CCNL2: variants seen among roughly 807,000 people sequenced by gnomAD.
CCNL2 encodes the protein cyclin-L2.
Under a neutral mutation model 59.1 loss-of-function variants are expected in CCNL2, and 28 were observed. The ratio of observed to expected loss-of-function variants is 0.47; its 90% confidence interval spans 0.35 to 0.65. The LOEUF (loss-of-function observed/expected upper bound fraction) is 0.65, where lower values mean the gene tolerates loss of function less well. CCNL2 is among the 30% of genes least tolerant of loss of function. The pLI, the probability that CCNL2 is intolerant of heterozygous loss-of-function variation, is 0.00. For synonymous variants in CCNL2, 342 were observed against 288.6 expected, an observed-to-expected ratio of 1.19 and a Z score of -1.88; for missense variants, 714 against 717.4, an observed-to-expected ratio of 1.00 and a Z score of 0.05.
chr1:1,388,565 G>GTGTCTC, intron 8 of CCNL2: 1 of 382,160 alleles, frequency 2.6e-6, no homozygotes, highest in Non-Finnish European at 5.2e-6. Flanking sequence ...GTGAGTGTGT[G>GTGTCTC]TCTCTCTCTC....
rs761934761 is a variant in CCNL2, at chr1:1,390,837, C to T, written c.688G>A (p.Asp230Asn). ...WNYMNDSLRT[D>N]VFVRFQPESI... ...TCTGGCTGGAACCGCACGAAGACGT[C>T]GGTGCGAAGGCTGTCGTTCATGTAA... Residue 230 changes from aspartate (D) to asparagine (N), a missense_variant, in exon 6 of 11, where the codon GAC becomes AAC. Transcript: ENST00000400809. The T allele has an allele frequency of 5.6e-6, 9 of 1,614,034 alleles. No individual in the cohort carries two copies. The East Asian group carries it at 6.7e-5, about 12-fold the overall frequency.
chr1:1,391,862 T>C (rs896872243), intron 5 of CCNL2: 18 of 283,906 alleles, frequency 6.3e-5, no homozygotes, highest in African/African-American at 2.7e-4. Context: ...ATGAGGACAG[T>C]TGAACTGGTT....
At chr1:1,388,583 C>CTCTCTCTATA (rs1553183317) in intron 8 of CCNL2, 1 of 204,490 alleles carries the variant, frequency 4.9e-6, no homozygotes, top group East Asian at 1.4e-4. Context: ...CTCTCTCTCT[C>CTCTCTCTATA]TATATATATA....
chr1:1,390,463 T>C lies in CCNL2; in HGVS notation c.860A>G (p.Lys287Arg). Residue 287 changes from lysine to arginine, a missense_variant, in exon 7 of 11, where the codon AAA becomes AGA. Lys to Arg is a conservative substitution (Grantham distance 26, BLOSUM62 2). Coordinates refer to ENST00000400809, the MANE Select transcript of CCNL2 (RefSeq NM_030937.6). ...CATGAAAAAATGCCGAAGAACCTTT[T>C]TCCGAGCATAAAGCTGCAAGATCTT... ...CLKILQLYAR[K>R]KVDLTHLEGE... 1 of 1,613,326 alleles carries C rather than the reference T, an allele frequency of 6.2e-7. No individual in the cohort carries two copies. The highest frequency in any genetic ancestry group is 8.5e-7 in the Non-Finnish European group (1 of 1,179,762).
chr1:1,392,523 C>A, intron 5 of CCNL2: 1 of 1,325,578 alleles, frequency 7.5e-7, no homozygotes. Flanking sequence ...GCATCTTTAT[C>A]ATACAGGTAC....
Position 1,387,963 on chromosome 1 carries a change from G to T in CCNL2, c.1109C>A (p.Pro370His). Residue 370 changes from proline (P) to histidine (H), a missense_variant, in exon 9 of 11, where the codon CCC becomes CAC. Physicochemically the swap from Pro to His is moderately conservative, Grantham distance 77 (BLOSUM62 -2). Around this residue, in one of 5 missense-constraint regions of CCNL2, gnomAD observed 403 missense variants for 377.7 expected, o/e 1.07. Coordinates refer to ENST00000400809, the MANE Select transcript of CCNL2 (RefSeq NM_030937.6). ...AGCCCTGGGGTCCTACCCGTTCACG[G>T]GGCTGTCCGCCTTGGCTTTCTTGGC... ...EGAKKAKADS[P>H]VNGLPKGRES... The T allele has an allele frequency of 6.2e-7, 1 of 1,614,040 alleles. No homozygotes were observed. The highest frequency in any genetic ancestry group is 8.5e-7 in the Non-Finnish European group (1 of 1,180,002).
In CCNL2 at chr1:1,391,389, G is replaced by A. The variant is rs1262183815; in HGVS notation, c.660-524C>T. On this transcript the variant is annotated intron_variant, in intron 5 of 10. Transcript: ENST00000400809. ...CTTCCTCTTCCTCCAGGGCGCTGGC[G>A]GCAGGCCCCTTCTCTGCTGACCGAG... is the stretch of plus-strand genomic sequence containing the variant. The A allele has an allele frequency of 9.4e-6, 11 of 1,173,606 alleles. 1 individual carries two copies. The highest frequency in any genetic ancestry group is 1.6e-5 in the African/African-American group (1 of 61,084). The allele number at this position is 1,173,606 out of a possible 1,614,324, so 72.7% of individuals were successfully genotyped here.
At position 1,399,156 on chromosome 1, in the gene CCNL2, T is replaced by C; in HGVS notation, c.151A>G (p.Asn51Asp). ...LYSGVLITLE[N>D]CLLPDDKLRF... ...AGCTTGTCGTCAGGCAGGAGGCAGT[T>C]CTCCAAGGTGATGAGCACCCCGGAG... The change falls in exon 1 of 11, where the codon AAC (asparagine) becomes GAC (aspartate). Residue 51 changes from asparagine to aspartate, a missense_variant. This residue lies in a region of CCNL2 where 270 missense variants were observed against 254.9 expected (regional missense o/e 1.06). Transcript: ENST00000400809. 6.2e-7 allele frequency: 1 copy of C among 1,611,928 alleles called. No homozygotes were observed. The highest frequency in any genetic ancestry group is 8.5e-7 in the Non-Finnish European group (1 of 1,179,410).
intron 3 of CCNL2, among the ~76,000 whole-genome samples, chr1:1,397,304 T>C (rs1331096374): frequency 1.3e-5 from 2 of 151,904 alleles, no homozygotes; most frequent in South Asian, 2.1e-4. Flanking sequence ...CAGACTTTCG[T>C]TTTTTTTGGA....
chr1:1,393,385 G>T lies in CCNL2; in HGVS notation c.659+11C>A. ...CTTGCTGGTCTCATAAAACAAGGAA[G>T]CTCAACTCACCATGAGGTCTGGACC... On this transcript the variant is annotated intron_variant, in intron 5 of 10. Transcript: ENST00000400809. 6.2e-7 allele frequency: 1 copy of T among 1,612,490 alleles called. No individual in the cohort carries two copies. Among genetic ancestry groups the T allele is most frequent in the Non-Finnish European group, 8.5e-7 (1 of 1,178,546 alleles).
Position 1,399,299 on chromosome 1 carries a change from G to A in CCNL2, c.8C>T (p.Ala3Val), listed in dbSNP as rs1322618295. ...TGCAGCACCAGCCGCCGCCGCCGCCGCCGCCATTTTGTGCCGCCGACTCCC... is the reference window on the plus strand; with the variant it reads ...TGCAGCACCAGCCGCCGCCGCCGCCACCGCCATTTTGTGCCGCCGACTCCC... Reference protein sequence around the residue: MAAAAAAAGAAGS... With the variant: MAVAAAAAGAAGS... Residue 3 changes from alanine (A) to valine (V), a missense_variant, in exon 1 of 11, where the codon GCG becomes GTG. Coordinates refer to ENST00000400809, the MANE Select transcript of CCNL2 (RefSeq NM_030937.6). 3.4e-6 allele frequency: 5 copies of A among 1,449,544 alleles called. No homozygotes were observed. The highest frequency in any genetic ancestry group is 2.8e-5 in the East Asian group (1 of 35,988). 89.8% of individuals were successfully genotyped at this position (1,449,544 alleles called of 1,614,324 possible). A position where few individuals can be genotyped will look rare whatever the true frequency, so the allele number is the denominator to read the frequency against.
At chr1:1,392,445 G>A (rs1000308546) in intron 5 of CCNL2, 9 of 1,195,350 alleles carry the variant, frequency 7.5e-6, no homozygotes, top group South Asian at 6.1e-5. Context: ...ACCCCACACT[G>A]ACACAGCCAA....
At chr1:1,398,750 G>C in intron 1 of CCNL2, 79 bp from the exon 2 acceptor site, 1 of 1,347,414 alleles carries the variant, frequency 7.4e-7, no homozygotes, top group Non-Finnish European at 1.1e-6. Flanking sequence ...AGTAACGTGG[G>C]ACTCCCCACG....
chr1:1,398,799 G>A (rs1200511831), intron 1 of CCNL2, 128 bp from the exon 2 acceptor site: 6 of 1,233,500 alleles, frequency 4.9e-6, no homozygotes, highest in Middle Eastern at 2.7e-4. Flanking sequence ...GTCCACAAAG[G>A]CTCTTCGCGT....
chr1:1,398,259 G>C lies in CCNL2; in HGVS notation c.447C>G (p.His149Gln). 2 of 1,614,236 alleles carry C rather than the reference G, an allele frequency of 1.2e-6. No individual in the cohort carries two copies. ...RRIRDVINVF[H>Q]RLRQLRDKKK... ...TTTTGTCTCTCAGCTGTCGAAGGCG[G>C]TGAAACACATTGATGACGTCCCGTA... is the stretch of plus-strand genomic sequence containing the variant. The change falls in exon 3 of 11, where the codon CAC becomes CAG. Residue 149 changes from histidine to glutamine, a missense_variant. Coordinates refer to ENST00000400809, the MANE Select transcript of CCNL2 (RefSeq NM_030937.6).
chr1:1,396,494 G>A (rs1001084839), intron 3 of CCNL2, among the ~76,000 whole-genome samples: 10 of 149,388 alleles, frequency 6.7e-5, no homozygotes, highest in Non-Finnish European at 1.5e-4. Flanking sequence ...TCGAACTCCC[G>A]ACCTCAGATG....
chr1:1,391,836 CAGAA>C (rs1644778692), intron 5 of CCNL2: 2 of 296,538 alleles, frequency 6.7e-6, no homozygotes, highest in Non-Finnish European at 1.3e-5. Flanking sequence ...ACTGCAAAAA[CAGAA>C]AGGGTGATTC....
rs561361237 is a variant in CCNL2 at position 1,399,268 on chromosome 1, C to G, written c.39G>C (p.Ser13=). The G allele has an allele frequency of 2.0e-5, 31 of 1,566,882 alleles. No individual in the cohort carries two copies. Among genetic ancestry groups the G allele is most frequent in the African/African-American group, 4.2e-5 (3 of 71,146 alleles). ...CGCCGGCCGCTGCCGCGGGAGCTGC[C>G]GACCCTGCAGCACCAGCCGCCGCCG... ...AAAAAAGAAG[S]AAPAAAAGAP... The change falls in exon 1 of 11, where the codon TCG becomes TCC. Residue 13 remains serine (S), a synonymous_variant. Coordinates refer to ENST00000400809, the MANE Select transcript of CCNL2 (RefSeq NM_030937.6).
chr1:1,392,418 C>G, intron 5 of CCNL2: 1 of 1,132,396 alleles, frequency 8.8e-7, no homozygotes. Flanking sequence ...TTCAGGGCTT[C>G]TAGAAATCAT....
Sources: allele counts gnomAD v4.1 joint callset (sites outside exome capture counted in the v4.1 genomes callset), GRCh38; gene constraint gnomAD v4.1.1; regional missense constraint gnomAD v4.1.1; transcripts MANE v1.5; gene names NCBI Gene and HGNC (gene_info 2026-07-23, HGNC 2026-07-21).